CYP39A1: variants seen among roughly 807,000 people sequenced by gnomAD.
CYP39A1 encodes 24-hydroxycholesterol 7-alpha-hydroxylase.
CYP39A1 carries 49 observed loss-of-function variants against 58.1 expected under a neutral mutation model. That is an observed-to-expected ratio of 0.84 (90% confidence interval 0.67 to 1.07). CYP39A1 has a LOEUF of 1.07. Among genes scored for constraint, CYP39A1 ranks in the 50% least tolerant of loss-of-function variants. CYP39A1 has a pLI of 0.00. For missense variants in CYP39A1, 531 were observed against 539.4 expected (o/e 0.98, Z 0.16); for synonymous variants, 209 against 187.6 (o/e 1.11, Z -0.93).
intron 8 of CYP39A1, among the ~76,000 whole-genome samples, chr6:46,594,169 T>A (rs993613217): frequency 6.6e-6 from 1 of 152,120 alleles, no homozygotes; most frequent in African/African-American, 2.4e-5. Flanking sequence ...AGGGTTATTA[T>A]GTTTTACTTA....
At chr6:46,648,686 A>G (rs982085756) in intron 1 of CYP39A1, among the ~76,000 whole-genome samples, 12 of 152,146 alleles carry the variant, frequency 7.9e-5, no homozygotes, top group Non-Finnish European at 1.5e-4. Context: ...AAAAATTATA[A>G]ACCTACTCTT....
Position 46,550,276 on chromosome 6 carries a change from G to A in CYP39A1, c.*90C>T, listed in dbSNP as rs1449979487. ...AAGTCCTAAAACAAAGTGAAGCAGTGTGTTTTTGTAGAGCTCAGGTCTAGG... is the reference window on the plus strand; with the variant it reads ...AAGTCCTAAAACAAAGTGAAGCAGTATGTTTTTGTAGAGCTCAGGTCTAGG... On this transcript the variant is annotated 3_prime_UTR_variant, in exon 12 of 12. Coordinates refer to ENST00000275016, the MANE Select transcript of CYP39A1 (RefSeq NM_016593.5). 7.6e-5 allele frequency: 73 copies of A among 961,976 alleles called. No individual in the cohort carries two copies. The highest frequency in any genetic ancestry group is 1.1e-4 in the Non-Finnish European group (71 of 628,882). 59.6% of individuals were successfully genotyped at this position (961,976 alleles called of 1,614,324 possible).
intron 7 of CYP39A1, among the ~76,000 whole-genome samples, chr6:46,596,962 T>A (rs978716613): frequency 6.6e-6 from 1 of 152,154 alleles, no homozygotes; most frequent in Non-Finnish European, 1.5e-5. Context: ...GTCAACGCAT[T>A]TCTCTTTTTC....
At chr6:46,575,096 T>G (rs74791995) in intron 10 of CYP39A1, among the ~76,000 whole-genome samples, 3,221 of 152,156 alleles carry the variant, frequency 0.021, 91 homozygotes, top group East Asian at 0.14. Flanking sequence ...GAAATAGGCA[T>G]GGAGTGGCTC....
At chr6:46,604,978 C>G (rs1487688789) in intron 7 of CYP39A1, among the ~76,000 whole-genome samples, 1 of 150,422 alleles carries the variant, frequency 6.6e-6, no homozygotes, top group East Asian at 1.9e-4. Context: ...ATATAAAATA[C>G]TAACACTAAC....
At position 46,553,862 on chromosome 6, in the gene CYP39A1, A is replaced by G; in HGVS notation, c.1251-8T>C. On this transcript the variant is annotated splice_region_variant and splice_polypyrimidine_tract_variant and intron_variant, in intron 10 of 11. Coordinates refer to ENST00000275016, the MANE Select transcript of CYP39A1 (RefSeq NM_016593.5). The stretch of plus-strand genomic sequence containing the variant: ...TCTAACAGAGCAAACCACCTGGAAG[A>G]AACGAATAAAATTGTTACTTGATTG... 1 of 1,550,486 alleles carries G rather than the reference A, an allele frequency of 6.4e-7. No individual in the cohort carries two copies. Among genetic ancestry groups the G allele is most frequent in the African/African-American group, 1.4e-5 (1 of 72,558 alleles).
intron 7 of CYP39A1, among the ~76,000 whole-genome samples, chr6:46,597,118 C>T (rs949737109): frequency 6.6e-6 from 1 of 152,030 alleles, no homozygotes; most frequent in Non-Finnish European, 1.5e-5. Context: ...GCCTGGGAAA[C>T]CTTTTCTGTC....
chr6:46,561,076 A>C (rs563171129), intron 10 of CYP39A1, among the ~76,000 whole-genome samples: 2 of 152,318 alleles, frequency 1.3e-5, no homozygotes, highest in African/African-American at 4.8e-5. Flanking sequence ...AAATGAGCTC[A>C]CTTTTTCAAA....
intron 10 of CYP39A1, among the ~76,000 whole-genome samples, chr6:46,555,191 C>A (rs147518272): frequency 1.3e-5 from 2 of 152,256 alleles, no homozygotes; most frequent in South Asian, 4.1e-4. Context: ...GCTCTAGCCA[C>A]GTTATATTAC....
chr6:46,573,691 A>C (rs1253882088), intron 10 of CYP39A1, among the ~76,000 whole-genome samples: 1 of 152,182 alleles, frequency 6.6e-6, no homozygotes, highest in South Asian at 2.1e-4. Flanking sequence ...CATCAGAGCC[A>C]GAGTCCTGGG....
At chr6:46,613,504 AT>A (rs1474398283) in intron 7 of CYP39A1, among the ~76,000 whole-genome samples, 1 of 152,230 alleles carries the variant, frequency 6.6e-6, no homozygotes, top group East Asian at 1.9e-4. Context: ...ATGCAGGTGC[AT>A]TTCTATTAAT....
chr6:46,565,391 G>A (rs1456044373), intron 10 of CYP39A1, among the ~76,000 whole-genome samples: 1 of 151,858 alleles, frequency 6.6e-6, no homozygotes, highest in Non-Finnish European at 1.5e-5. Context: ...GAGTGGGAAG[G>A]TAGATGTTTT....
At chr6:46,578,397 A>C (rs1373429371) in intron 10 of CYP39A1, among the ~76,000 whole-genome samples, 1 of 152,084 alleles carries the variant, frequency 6.6e-6, no homozygotes, top group African/African-American at 2.4e-5. Context: ...CCCCAAAGCT[A>C]ACAGAAGAAA....
intron 7 of CYP39A1, among the ~76,000 whole-genome samples, chr6:46,598,184 A>G (rs564731088): frequency 6.6e-6 from 1 of 152,294 alleles, no homozygotes; most frequent in East Asian, 1.9e-4. Context: ...TTAGTGTATT[A>G]CAGGCTTTGA....
chr6:46,631,333 T>C (rs578120150), intron 5 of CYP39A1, among the ~76,000 whole-genome samples: 1 of 152,214 alleles, frequency 6.6e-6, no homozygotes, highest in African/African-American at 2.4e-5. Flanking sequence ...TTGAACAAGC[T>C]ACTTTAATCT....
chr6:46,630,938 A>AGG (rs1775619398), intron 6 of CYP39A1, 25 bp downstream of exon 6: 1 of 1,512,304 alleles, frequency 6.6e-7, no homozygotes, highest in Non-Finnish European at 9.2e-7. Flanking sequence ...GAGCAACGTA[A>AGG]CTCATACTTT....
intron 5 of CYP39A1, among the ~76,000 whole-genome samples, chr6:46,634,872 T>C (rs1247409099): frequency 6.6e-6 from 1 of 152,188 alleles, no homozygotes; most frequent in Non-Finnish European, 1.5e-5. Context: ...GCTAGGCCCA[T>C]AGATTACAGA....
At chr6:46,567,960 T>C (rs1358465142) in intron 10 of CYP39A1, among the ~76,000 whole-genome samples, 2 of 151,368 alleles carry the variant, frequency 1.3e-5, no homozygotes, top group East Asian at 1.9e-4. Context: ...GTTAGGTCCA[T>C]GCAGATCTGG....
intron 6 of CYP39A1, among the ~76,000 whole-genome samples, chr6:46,627,543 C>G (rs781643474): frequency 1.3e-5 from 2 of 151,906 alleles, no homozygotes; most frequent in Non-Finnish European, 2.9e-5. Flanking sequence ...CTCAGCCTTC[C>G]GAGTAGCTGG....
Sources: gnomAD v4.1 joint callset for allele counts (sites outside exome capture counted in the v4.1 genomes callset) on GRCh38, gnomAD v4.1.1 for gene constraint, MANE v1.5 for transcripts, NCBI Gene and HGNC (gene_info 2026-07-23, HGNC 2026-07-21) for gene names.